CHIC2: variants seen among roughly 807,000 people sequenced by gnomAD.
The protein encoded by CHIC2 is cysteine rich hydrophobic domain 2.
Under a neutral mutation model 25.9 loss-of-function variants are expected in CHIC2, and 14 were observed. The observed-to-expected ratio is 0.54, with a 90% CI of 0.36 to 0.85. The LOEUF is 0.85. CHIC2 is among the 40% of genes least tolerant of loss of function. CHIC2 has a pLI of 0.01. For synonymous variants in CHIC2, 70 were observed against 72.0 expected, an observed-to-expected ratio of 0.97 and a Z score of 0.14; for missense variants, 146 against 202.0, an observed-to-expected ratio of 0.72 and a Z score of 1.68.
chr4:54,068,281 T>C (rs757309536), upstream of CHIC2, among the ~76,000 whole-genome samples: 4 of 152,150 alleles, frequency 2.6e-5, no homozygotes, highest in Non-Finnish European at 5.9e-5. Flanking sequence ...TTAGGAAATA[T>C]TAGGGCCTTT....
At chr4:54,031,837 C>T (rs1002008175) in intron 3 of CHIC2, among the ~76,000 whole-genome samples, 12 of 152,032 alleles carry the variant, frequency 7.9e-5, no homozygotes, top group Admixed American at 1.3e-4. Flanking sequence ...CCAGGCTGGT[C>T]TTGAACGCCT....
chr4:54,047,300 T>C (rs1475570942), intron 3 of CHIC2, among the ~76,000 whole-genome samples: 2 of 152,120 alleles, frequency 1.3e-5, no homozygotes, highest in Non-Finnish European at 2.9e-5. Context: ...CATTACTGGG[T>C]ATATACCCAA....
intron 3 of CHIC2, among the ~76,000 whole-genome samples, chr4:54,020,981 C>T (rs1416396212): frequency 6.6e-6 from 1 of 152,068 alleles, no homozygotes; most frequent in Non-Finnish European, 1.5e-5. Flanking sequence ...ACACTGCAGC[C>T]CAGGGCTGCT....
chr4:54,077,338 C>G, the CHIC2 span, among the ~76,000 whole-genome samples: 3 of 152,192 alleles, frequency 2.0e-5, no homozygotes, highest in Admixed American at 6.5e-5. Flanking sequence ...ACCGTCAAAG[C>G]CTTGTAGAAA....
chr4:54,082,779 T>A, the CHIC2 span, among the ~76,000 whole-genome samples: 346 of 152,284 alleles, frequency 2.3e-3, 4 homozygotes, highest in East Asian at 0.057. Context: ...ATACAAGTCC[T>A]TAGAGGAGGG....
chr4:54,083,825 G>T, the CHIC2 span, among the ~76,000 whole-genome samples: 1 of 152,038 alleles, frequency 6.6e-6, no homozygotes, highest in African/African-American at 2.4e-5. Context: ...ATCCTTCAAA[G>T]ACCATTCATC....
chr4:54,040,567 G>A (rs965901059), intron 3 of CHIC2, among the ~76,000 whole-genome samples: 13 of 152,084 alleles, frequency 8.5e-5, no homozygotes, highest in African/African-American at 2.9e-4. Flanking sequence ...TGGGCATAGT[G>A]TCAGGAGCCT....
At chr4:54,011,382 G>C (rs1455437089) in intron 5 of CHIC2, among the ~76,000 whole-genome samples, 1 of 152,054 alleles carries the variant, frequency 6.6e-6, no homozygotes, top group Non-Finnish European at 1.5e-5. Context: ...ATATTCACTA[G>C]CTCCCTGTTA....
chr4:54,023,548 C>A (rs1715967773), intron 3 of CHIC2, among the ~76,000 whole-genome samples: 1 of 152,174 alleles, frequency 6.6e-6, no homozygotes, highest in South Asian at 2.1e-4. Context: ...CTGTATCTCT[C>A]TGATCCACTT....
chr4:54,056,161 CATT>C (rs1717167640), intron 1 of CHIC2, among the ~76,000 whole-genome samples: 1 of 151,854 alleles, frequency 6.6e-6, no homozygotes, highest in South Asian at 2.1e-4. Flanking sequence ...TTATAATTTC[CATT>C]ATTAACAGAT....
At chr4:54,077,233 C>T in the CHIC2 span, among the ~76,000 whole-genome samples, 2 of 152,304 alleles carry the variant, frequency 1.3e-5, no homozygotes, top group Middle Eastern at 6.8e-3. Context: ...AAATTCTCTT[C>T]CTTCAGTTCT....
chr4:54,027,924 A>G (rs981798678), intron 3 of CHIC2, among the ~76,000 whole-genome samples: 17 of 152,222 alleles, frequency 1.1e-4, no homozygotes, highest in African/African-American at 3.9e-4. Context: ...TTATAAAAGC[A>G]AAACAGAAGC....
At chr4:54,013,040 A>C (rs550947705) in intron 5 of CHIC2, among the ~76,000 whole-genome samples, 21 of 152,242 alleles carry the variant, frequency 1.4e-4, no homozygotes, top group Non-Finnish European at 2.9e-4. Context: ...TACTTCACAA[A>C]GGCTCTGAGT....
the CHIC2 span, among the ~76,000 whole-genome samples, chr4:54,090,650 G>A: frequency 6.6e-6 from 1 of 152,126 alleles, no homozygotes; most frequent in Non-Finnish European, 1.5e-5. Context: ...TTGTGCCAAG[G>A]GATGTCAGGC....
intron 3 of CHIC2, among the ~76,000 whole-genome samples, chr4:54,039,413 C>T (rs1170915152): frequency 1.3e-5 from 2 of 152,032 alleles, no homozygotes; most frequent in African/African-American, 4.8e-5. Flanking sequence ...CAAAATATTT[C>T]AATGAACACT....
rs1197457344 is a variant in CHIC2, at chr4:54,013,864, T to C, written c.420A>G (p.Lys140=). ...ATTCCATCATGTTATTCGTTTCACA[T>C]TTCCTTTTGCTCAGTCTCCAATGCA... ...LCLHWRLSKR[K]CETNNMMEYV... is the part of the protein sequence containing the mutation. The change falls in exon 5 of 6, where the codon AAA becomes AAG. Residue 140 remains lysine (K), a synonymous_variant. Transcript: ENST00000263921. The C allele has an allele frequency of 6.8e-6, 11 of 1,613,276 alleles. No homozygotes were observed. In the African/African-American group the frequency reaches 1.5e-4, roughly 22 times the overall value.
chr4:54,070,675 G>A, the CHIC2 span, among the ~76,000 whole-genome samples: 10 of 152,006 alleles, frequency 6.6e-5, no homozygotes, highest in African/African-American at 1.9e-4. Context: ...TGCCCAACTC[G>A]GCCTCCCAAA....
At chr4:54,060,603 T>C (rs1452351479) in intron 1 of CHIC2, 3 of 152,156 alleles carry the variant, frequency 2.0e-5, no homozygotes, top group Non-Finnish European at 4.4e-5. Flanking sequence ...CTAAAACTAC[T>C]TTTAAATTCT....
At chr4:54,071,663 T>C in the CHIC2 span, among the ~76,000 whole-genome samples, 2 of 152,204 alleles carry the variant, frequency 1.3e-5, no homozygotes, top group Non-Finnish European at 2.9e-5. Flanking sequence ...GTACCTGCCA[T>C]ATAATTAGTG....
Sources: allele counts gnomAD v4.1 joint callset (sites outside exome capture counted in the v4.1 genomes callset), GRCh38; gene constraint gnomAD v4.1.1; transcripts MANE v1.5; gene names NCBI Gene and HGNC (gene_info 2026-07-23, HGNC 2026-07-21).